The following JAKMIP3 variants were observed in gnomAD, a reference collection of about 807,000 sequenced individuals.
The protein encoded by JAKMIP3 is Janus kinase and microtubule interacting protein 3.
JAKMIP3 carries 58 observed loss-of-function variants against 118.5 expected under a neutral mutation model. That is an observed-to-expected ratio of 0.49 (90% confidence interval 0.40 to 0.61). JAKMIP3 has a LOEUF of 0.61. Among genes scored for constraint, JAKMIP3 ranks in the 20% least tolerant of loss-of-function variants. JAKMIP3 has a pLI of 0.00. For synonymous variants in JAKMIP3, 486 were observed against 451.2 expected, an observed-to-expected ratio of 1.08 and a Z score of -0.98; for missense variants, 950 against 1,109.0, an observed-to-expected ratio of 0.86 and a Z score of 2.04.
intron 1 of JAKMIP3, among the ~76,000 whole-genome samples, chr10:132,100,938 T>C (rs1042042811): frequency 1.3e-5 from 2 of 152,128 alleles, no homozygotes; most frequent in African/African-American, 4.8e-5. Flanking sequence ...GCCTTGCCAC[T>C]TGGGGGAGAT....
chr10:132,040,144 G>A (rs561371805), intron 1 of JAKMIP3, among the ~76,000 whole-genome samples: 103 of 152,234 alleles, frequency 6.8e-4, no homozygotes, highest in African/African-American at 1.1e-3. Context: ...GGGAGCTGAC[G>A]GGGTGAGATG....
At chr10:132,107,511 C>T (rs572815123) in intron 2 of JAKMIP3, among the ~76,000 whole-genome samples, 8 of 152,262 alleles carry the variant, frequency 5.3e-5, no homozygotes, top group African/African-American at 1.7e-4. Flanking sequence ...CAGAAGGCAC[C>T]GGAGGAAAGG....
chr10:132,063,910 G>A (rs2038497344), upstream of JAKMIP3, among the ~76,000 whole-genome samples: 1 of 152,160 alleles, frequency 6.6e-6, no homozygotes, highest in Non-Finnish European at 1.5e-5. Flanking sequence ...TTTCTTGAGT[G>A]CAACACACAC....
At chr10:132,156,338 G>C (rs2057090920) in intron 19 of JAKMIP3, among the ~76,000 whole-genome samples, 1 of 152,174 alleles carries the variant, frequency 6.6e-6, no homozygotes, top group Non-Finnish European at 1.5e-5. Context: ...TGCTGGATGA[G>C]GAAGAACCCT....
chr10:132,090,317 T>G (rs1459560448), intron 1 of JAKMIP3, among the ~76,000 whole-genome samples: 2 of 152,234 alleles, frequency 1.3e-5, no homozygotes. Context: ...CTGGTAGAAT[T>G]TGGCTGTGAA....
At position 132,155,062 on chromosome 10, in the gene JAKMIP3, TAGTG is replaced by T. The variant is rs2056903908; in HGVS notation, c.2220+1073_2220+1076del. Among the ~76,000 whole-genome samples the T allele has an allele frequency of 2.7e-3, 9 of 3,362 alleles. No homozygotes were observed. In the South Asian group the frequency reaches 0.049, roughly 18 times the overall value. 2.2% of individuals were successfully genotyped at this position (3,362 alleles called of 152,430 possible). On this transcript the variant is annotated intron_variant, in intron 19 of 23. Coordinates refer to ENST00000684848, the MANE Select transcript of JAKMIP3 (RefSeq NM_001323087.2). Reference sequence around the variant, plus strand: ...AATGATCATGATGACATGGTGGTAGTAGTGGTAATGGTGATGCTGCTGGAGGTAG... The same window carrying T: ...AATGATCATGATGACATGGTGGTAGTGTAATGGTGATGCTGCTGGAGGTAG...
intron 1 of JAKMIP3, among the ~76,000 whole-genome samples, chr10:132,050,559 G>A (rs1219038892): frequency 6.6e-6 from 1 of 152,166 alleles, no homozygotes; most frequent in Non-Finnish European, 1.5e-5. Context: ...TCATCTTCAA[G>A]TCATGCCAAG....
intron 14 of JAKMIP3, among the ~76,000 whole-genome samples, 198 bp downstream of exon 14, chr10:132,148,248 C>T (rs1386559820): frequency 2.0e-5 from 3 of 152,204 alleles, no homozygotes; most frequent in East Asian, 3.9e-4. Flanking sequence ...CAATGGGGAA[C>T]ATGGGCCATG....
chr10:132,156,292 G>T (rs765666216), intron 19 of JAKMIP3, among the ~76,000 whole-genome samples: 1 of 152,120 alleles, frequency 6.6e-6, no homozygotes, highest in Non-Finnish European at 1.5e-5. Flanking sequence ...CCTCCATCCT[G>T]CTCATGCTGA....
chr10:132,071,158 AAAGTGTGTGTGT>A lies in JAKMIP3; in HGVS notation c.-138+5098_-138+5109del, dbSNP rs1214534246. 1.3e-4 allele frequency among the ~76,000 whole-genome samples: 10 copies of A among 79,024 alleles called. No individual in the cohort carries two copies. In the East Asian group the frequency reaches 3.1e-3, roughly 24 times the overall value. The allele number at this position is 79,024 out of a possible 152,430, so 51.8% of individuals were successfully genotyped here. ...TCTTCTTTCACCTATGGGTCATTTA[AAAGTGTGTGTGT>A]GTGTGTGTGTGTGTGTGTGTGTTTT... On this transcript the variant is annotated intron_variant, in intron 1 of 23. Coordinates refer to ENST00000684848, the MANE Select transcript of JAKMIP3 (RefSeq NM_001323087.2).
chr10:132,105,007 G>A, intron 2 of JAKMIP3, 64 bp downstream of exon 2: 1 of 1,530,424 alleles, frequency 6.5e-7, no homozygotes, highest in East Asian at 2.4e-5. Flanking sequence ...GGGGCCCAGA[G>A]GCTCTTCCTG....
At chr10:132,063,602 C>T (rs1045010080), upstream of JAKMIP3, among the ~76,000 whole-genome samples, 3 of 152,360 alleles carry the variant, frequency 2.0e-5, no homozygotes, top group East Asian at 1.9e-4. Context: ...ACCTGCTCTC[C>T]GCCTCAGCCA....
intron 3 of JAKMIP3, among the ~76,000 whole-genome samples, chr10:132,119,628 A>G (rs2048233415): frequency 6.6e-6 from 1 of 152,166 alleles, no homozygotes; most frequent in Admixed American, 6.5e-5. Flanking sequence ...TCATTTCTGG[A>G]GTAGCACGTT....
rs1417597090 is a variant in JAKMIP3 at position 132,180,571 on chromosome 10, G to GCA, written c.*1104-1786_*1104-1785insCA. Among the ~76,000 whole-genome samples, 3 of 39,884 alleles carry GCA rather than the reference G, an allele frequency of 7.5e-5. 1 individual carries two copies. The highest frequency in any genetic ancestry group is 1.0e-4 in the Non-Finnish European group (2 of 19,742). 26.2% of individuals were successfully genotyped at this position (39,884 alleles called of 152,430 possible). On this transcript the variant is annotated intron_variant, in intron 23 of 23. Transcript: ENST00000684848. The stretch of plus-strand genomic sequence containing the variant: ...CGTGCGTGCATGCGTGTGTGTGCGT[G>GCA]TGTGTGTGCGTGCGCGTGTGTGTGT...
At chr10:132,073,486 A>G (rs1224999440) in intron 1 of JAKMIP3, among the ~76,000 whole-genome samples, 1 of 139,450 alleles carries the variant, frequency 7.2e-6, no homozygotes, top group East Asian at 2.0e-4. Context: ...CGCCCGGCCT[A>G]TCTTTACTTT....
At position 132,184,775 on chromosome 10, in the gene JAKMIP3, T is replaced by C. The variant is rs907208171; in HGVS notation, c.*3522T>C. 1.1e-4 allele frequency: 17 copies of C among 152,264 alleles called. No homozygotes were observed. The highest frequency in any genetic ancestry group is 3.9e-4 in the African/African-American group (16 of 41,470). 9.4% of individuals were successfully genotyped at this position (152,264 alleles called of 1,614,324 possible). ...GAATTTTTTACTCGTTTGTAAATTA[T>C]TGTACAGTTTTAATAAAAAATGTTT... is the stretch of plus-strand genomic sequence containing the variant. On this transcript the variant is annotated 3_prime_UTR_variant, in exon 24 of 24. Coordinates refer to ENST00000684848, the MANE Select transcript of JAKMIP3 (RefSeq NM_001323087.2).
At chr10:132,056,201 C>A (rs2038232379) in intron 1 of JAKMIP3, among the ~76,000 whole-genome samples, 2 of 152,184 alleles carry the variant, frequency 1.3e-5, no homozygotes, top group African/African-American at 4.8e-5. Context: ...CCCCCACACT[C>A]AGTTTCTCCA....
At chr10:132,042,453 C>G (rs1347116426) in intron 1 of JAKMIP3, among the ~76,000 whole-genome samples, 1 of 152,204 alleles carries the variant, frequency 6.6e-6, no homozygotes, top group Non-Finnish European at 1.5e-5. Flanking sequence ...AATGATCTGC[C>G]TGCCTCGATC....
chr10:132,125,455 C>T (rs901206086), intron 3 of JAKMIP3, among the ~76,000 whole-genome samples: 35 of 152,286 alleles, frequency 2.3e-4, no homozygotes, highest in African/African-American at 6.8e-4. Flanking sequence ...GTTAGTACCA[C>T]GTCTTAGTTC....
Sources: allele counts gnomAD v4.1 joint callset (sites outside exome capture counted in the v4.1 genomes callset), GRCh38; gene constraint gnomAD v4.1.1; transcripts MANE v1.5; gene names NCBI Gene and HGNC (gene_info 2026-07-23, HGNC 2026-07-21).